KCNMA1: variants seen among roughly 807,000 people sequenced by gnomAD.
The protein encoded by KCNMA1 is potassium calcium-activated channel subfamily M alpha 1.
Under a neutral mutation model 140.0 loss-of-function variants are expected in KCNMA1, and 29 were observed. That is an observed-to-expected ratio of 0.21 (90% CI 0.15 to 0.28). The LOEUF is 0.28. KCNMA1 is among the 10% of genes least tolerant of loss of function. The pLI is 1.00. For missense variants in KCNMA1, 880 were observed against 1,602.2 expected (o/e 0.55, Z 7.70); for synonymous variants, 612 against 611.9 (o/e 1.00, Z 0.00).
chr10:77,019,279 A>G lies in KCNMA1; in HGVS notation c.1929-180T>C, dbSNP rs1333946287. On this transcript the variant is annotated intron_variant, in intron 16 of 27. Transcript: ENST00000286628. ...CCCATACATTTAGTTGGATAATGCC[A>G]TCATTAAGCACTACTGCTTACTTCC... The G allele has an allele frequency of 4.9e-6, 3 of 606,110 alleles. No homozygotes were observed. The African/African-American group carries it at 5.6e-5, about 11-fold the overall frequency. 37.5% of individuals were successfully genotyped at this position (606,110 alleles called of 1,614,324 possible). A position where few individuals can be genotyped will look rare whatever the true frequency, so the allele number is the denominator to read the frequency against.
intron 1 of KCNMA1, among the ~76,000 whole-genome samples, chr10:77,446,682 C>T (rs1269576543): frequency 6.6e-6 from 1 of 152,222 alleles, no homozygotes; most frequent in African/African-American, 2.4e-5. Flanking sequence ...AGACACATCC[C>T]TAAGTTGACC....
At chr10:76,889,306 A>G (rs1168737706) in intron 27 of KCNMA1, 145 bp downstream of exon 27, 1 of 676,310 alleles carries the variant, frequency 1.5e-6, no homozygotes, top group African/African-American at 1.8e-5. Flanking sequence ...CATCACCTCC[A>G]AACTCAGTGT....
At chr10:77,423,189 C>T (rs1043171746) in intron 1 of KCNMA1, among the ~76,000 whole-genome samples, 7 of 151,980 alleles carry the variant, frequency 4.6e-5, no homozygotes, top group Non-Finnish European at 1.0e-4. Flanking sequence ...CTGGATTTGG[C>T]AAAAAGCATG....
chr10:77,229,645 G>A (rs2052865247), intron 3 of KCNMA1, among the ~76,000 whole-genome samples: 1 of 152,150 alleles, frequency 6.6e-6, no homozygotes, highest in African/African-American at 2.4e-5. Flanking sequence ...CTCGGTCTGA[G>A]TCCAAAGCCT....
At chr10:77,137,771 TG>T (rs1334787670) in intron 5 of KCNMA1, among the ~76,000 whole-genome samples, 2 of 152,190 alleles carry the variant, frequency 1.3e-5, no homozygotes, top group African/African-American at 4.8e-5. Context: ...CAGGTTGTTT[TG>T]CTCCCTACTT....
chr10:76,988,604 G>C (rs2081928806), intron 19 of KCNMA1, among the ~76,000 whole-genome samples: 1 of 152,110 alleles, frequency 6.6e-6, no homozygotes, highest in Non-Finnish European at 1.5e-5. Flanking sequence ...GATGGAATTT[G>C]AAAGGACAGG....
chr10:77,036,711 T>C (rs537966837), intron 15 of KCNMA1, among the ~76,000 whole-genome samples: 2 of 152,348 alleles, frequency 1.3e-5, no homozygotes, highest in South Asian at 4.1e-4. Context: ...AAAATACTTA[T>C]GTGCCAGCCC....
chr10:77,000,026 T>C (rs1341716374), intron 19 of KCNMA1, among the ~76,000 whole-genome samples: 1 of 152,116 alleles, frequency 6.6e-6, no homozygotes, highest in African/African-American at 2.4e-5. Flanking sequence ...GGGACCAGCC[T>C]CAACACCAGC....
intron 3 of KCNMA1, among the ~76,000 whole-genome samples, chr10:77,240,852 T>C (rs2057090501): frequency 6.6e-6 from 1 of 152,130 alleles, no homozygotes; most frequent in Admixed American, 6.5e-5. Context: ...AAACATCAGA[T>C]GAAAAAAATG....
At chr10:77,330,002 GTTA>G (rs533219102) in intron 2 of KCNMA1, among the ~76,000 whole-genome samples, 168 of 152,236 alleles carry the variant, frequency 1.1e-3, no homozygotes, top group African/African-American at 3.9e-3. Context: ...TAGTTTTATT[GTTA>G]TTATTATTGT....
chr10:77,147,518 A>G (rs1001482011), intron 5 of KCNMA1: 2 of 151,376 alleles, frequency 1.3e-5, no homozygotes, highest in Non-Finnish European at 2.9e-5. Context: ...TTTCCCTTTC[A>G]TCATCAGCTA....
intron 1 of KCNMA1, among the ~76,000 whole-genome samples, chr10:77,578,320 C>A (rs1381642651): frequency 2.6e-5 from 4 of 152,180 alleles, no homozygotes; most frequent in African/African-American, 9.7e-5. Context: ...GCTGATCAGC[C>A]CGGTGGCCAA....
At chr10:77,087,856 CAAT>C (rs2096728895) in intron 10 of KCNMA1, among the ~76,000 whole-genome samples, 1 of 151,610 alleles carries the variant, frequency 6.6e-6, no homozygotes, top group Non-Finnish European at 1.5e-5. Flanking sequence ...TCCATAATGA[CAAT>C]AATAATAATA....
intron 3 of KCNMA1, among the ~76,000 whole-genome samples, chr10:77,226,423 G>A (rs756738201): frequency 2.6e-5 from 4 of 151,894 alleles, no homozygotes; most frequent in Non-Finnish European, 4.4e-5. Flanking sequence ...CGACATTCCT[G>A]TCTCTTTCTG....
intron 24 of KCNMA1, 186 bp from the exon 25 acceptor site, chr10:76,910,282 C>T: frequency 3.2e-6 from 2 of 632,944 alleles, no homozygotes; most frequent in Non-Finnish European, 5.6e-6. Context: ...TCCTGTGTCA[C>T]TGTTTAAGTG....
chr10:77,323,922 C>T (rs1167075917), intron 2 of KCNMA1, among the ~76,000 whole-genome samples: 1 of 152,170 alleles, frequency 6.6e-6, no homozygotes, highest in African/African-American at 2.4e-5. Flanking sequence ...TAAATCCTGC[C>T]TGGAGGCAAT....
chr10:76,889,944 G>A (rs561145995), intron 26 of KCNMA1, among the ~76,000 whole-genome samples: 16 of 152,168 alleles, frequency 1.1e-4, no homozygotes, highest in Non-Finnish European at 2.4e-4. Context: ...TGGTGATTAT[G>A]TTCAGTCCCA....
chr10:76,918,024 C>A (rs1488977302), intron 23 of KCNMA1, among the ~76,000 whole-genome samples: 1 of 152,156 alleles, frequency 6.6e-6, no homozygotes, highest in African/African-American at 2.4e-5. Context: ...GATAAAGGGG[C>A]AGGTCTAAAT....
At chr10:77,211,528 C>T (rs890139722) in intron 3 of KCNMA1, among the ~76,000 whole-genome samples, 1 of 152,138 alleles carries the variant, frequency 6.6e-6, no homozygotes, top group African/African-American at 2.4e-5. Flanking sequence ...AAATACCCAT[C>T]TCAACATCAG....
Sources: gnomAD v4.1 joint callset for allele counts (sites outside exome capture counted in the v4.1 genomes callset) on GRCh38, gnomAD v4.1.1 for gene constraint, MANE v1.5 for transcripts, NCBI Gene and HGNC (gene_info 2026-07-23, HGNC 2026-07-21) for gene names.